Variants in P4HA1 observed in about 807,000 individuals in gnomAD.
P4HA1 encodes prolyl 4-hydroxylase subunit alpha 1, also known as prolyl 4-hydroxylase subunit alpha-1.
A neutral mutation model predicts 72.8 loss-of-function variants in P4HA1; 24 were observed. The ratio of observed to expected loss-of-function variants is 0.33; its 90% CI spans 0.24 to 0.46. The LOEUF is 0.46. Ranked by LOEUF, P4HA1 falls within the 20% of genes least tolerant of loss-of-function variation. The pLI is 1.00. For synonymous variants in P4HA1, 201 were observed against 218.8 expected, an observed-to-expected ratio of 0.92 and a Z score of 0.72; for missense variants, 446 against 640.6, an observed-to-expected ratio of 0.70 and a Z score of 3.28.
rs760496152 is a variant in P4HA1 at position 73,072,101 on chromosome 10, A to G, written c.253T>C (p.Phe85Leu). 6.2e-7 allele frequency: 1 copy of G among 1,613,176 alleles called. No homozygotes were observed. Among genetic ancestry groups the G allele is most frequent in the East Asian group, 2.2e-5 (1 of 44,844 alleles). Residue 85 changes from phenylalanine to leucine, a missense_variant, in exon 4 of 15, where the codon TTC becomes CTC. By Grantham distance (22) the Phe-to-Leu change is conservative (BLOSUM62 0). Coordinates refer to ENST00000394890, the MANE Select transcript of P4HA1 (RefSeq NM_001017962.3). ...GTATTCAGACGTTTCATTAATTTGA[A>G]TGCATTTACTGGATGCCCAACAAAT... ...EGFVGHPVNA[F>L]KLMKRLNTEW... is the part of the protein sequence containing the mutation.
At chr10:73,039,166 C>T (rs1218017066) in intron 9 of P4HA1, among the ~76,000 whole-genome samples, 3 of 152,066 alleles carry the variant, frequency 2.0e-5, no homozygotes, top group Non-Finnish European at 4.4e-5. Context: ...CACCTGTATT[C>T]CCAGCTACTC....
At chr10:73,030,232 G>A (rs1840403019) in intron 10 of P4HA1, 39 bp downstream of exon 10, 4 of 1,023,334 alleles carry the variant, frequency 3.9e-6, no homozygotes, top group Non-Finnish European at 5.8e-6. Flanking sequence ...AGCATCTCCT[G>A]AAGTGTAAAA....
chr10:73,050,165 C>CA (rs549704773), intron 7 of P4HA1, among the ~76,000 whole-genome samples: 2,290 of 82,956 alleles, frequency 0.028, 28 homozygotes, highest in East Asian at 0.077. Flanking sequence ...GTTTCTGTCT[C>CA]AAAAAAAAAA....
At chr10:73,040,006 C>T (rs759540671) in intron 9 of P4HA1, among the ~76,000 whole-genome samples, 1 of 151,826 alleles carries the variant, frequency 6.6e-6, no homozygotes, top group Non-Finnish European at 1.5e-5. Context: ...GGACTACAGA[C>T]GTGCACCATC....
rs898718624 is a variant in P4HA1, at chr10:73,019,641, A to T, written c.1249-2742T>A. Among the ~76,000 whole-genome samples the T allele has an allele frequency of 5.5e-5, 8 of 144,176 alleles. No individual in the cohort carries two copies. The East Asian group carries it at 1.8e-3, about 32-fold the overall frequency. 94.6% of individuals were successfully genotyped at this position (144,176 alleles called of 152,430 possible). A position where few individuals can be genotyped will look rare whatever the true frequency, so the allele number is the denominator to read the frequency against. On this transcript the variant is annotated intron_variant, in intron 10 of 14. Coordinates refer to ENST00000394890, the MANE Select transcript of P4HA1 (RefSeq NM_001017962.3). ...TGAATGCAGGAGGCTGAGGCAGGAG[A>T]ATCGCTTGAACCTGGGAGGCGGAGG...
Position 73,073,713 on chromosome 10 carries a change from A to C in P4HA1, c.173+18T>G. 9.0e-7 allele frequency: 1 copy of C among 1,110,104 alleles called. No individual in the cohort carries two copies. The highest frequency in any genetic ancestry group is 1.4e-6 in the Non-Finnish European group (1 of 720,476). The allele number at this position is 1,110,104 out of a possible 1,614,324, so 68.8% of individuals were successfully genotyped here. ...TCCAGGTTGAGTCAGAGTCATAATA[A>C]GCAAACATTTTGCTTACTTTTTTAT... On this transcript the variant is annotated intron_variant, in intron 3 of 14. Coordinates refer to ENST00000394890, the MANE Select transcript of P4HA1 (RefSeq NM_001017962.3).
At chr10:73,040,146 A>C (rs1453929611) in intron 9 of P4HA1, among the ~76,000 whole-genome samples, 1 of 152,076 alleles carries the variant, frequency 6.6e-6, no homozygotes, top group Non-Finnish European at 1.5e-5. Flanking sequence ...CTGATATTAC[A>C]GGCATGAGCC....
chr10:73,092,350 T>TC (rs1344836006), intron 1 of P4HA1, among the ~76,000 whole-genome samples: 1 of 144,482 alleles, frequency 6.9e-6, no homozygotes, highest in Non-Finnish European at 1.5e-5. Flanking sequence ...TCTTTTCTTT[T>TC]TTTTTTTTTT....
At chr10:73,087,482 T>C (rs1841946918) in intron 1 of P4HA1, among the ~76,000 whole-genome samples, 1 of 151,976 alleles carries the variant, frequency 6.6e-6, no homozygotes, top group Admixed American at 6.6e-5. Flanking sequence ...GCCGGGCTAG[T>C]CTTGAACTCC....
At chr10:73,064,099 C>T (rs1449967003) in intron 5 of P4HA1, among the ~76,000 whole-genome samples, 1 of 152,018 alleles carries the variant, frequency 6.6e-6, no homozygotes, top group Non-Finnish European at 1.5e-5. Context: ...ATGAACATAC[C>T]AAATTGAATA....
chr10:73,091,691 G>A (rs1411176346), intron 1 of P4HA1, among the ~76,000 whole-genome samples: 1 of 151,992 alleles, frequency 6.6e-6, no homozygotes, highest in South Asian at 2.1e-4. Context: ...TTCATTCTTG[G>A]GTTTTACTGA....
At chr10:73,082,611 T>C (rs950653438) in intron 1 of P4HA1, 2 of 152,216 alleles carry the variant, frequency 1.3e-5, no homozygotes, top group African/African-American at 4.8e-5. Context: ...TGCTTGATAT[T>C]CTAAACTAAA....
chr10:73,059,972 C>G (rs944553093), intron 5 of P4HA1, among the ~76,000 whole-genome samples: 2 of 151,418 alleles, frequency 1.3e-5, no homozygotes, highest in Admixed American at 6.6e-5. Context: ...AACAATGAAT[C>G]AAAAGAAAAA....
chr10:73,041,546 C>CG (rs1230471255), intron 9 of P4HA1, among the ~76,000 whole-genome samples: 1 of 148,138 alleles, frequency 6.8e-6, no homozygotes, highest in Non-Finnish European at 1.5e-5. Context: ...CCATCCCCCC[C>CG]CCAAAAAAAA....
At chr10:73,085,739 G>A (rs571372789) in intron 1 of P4HA1, among the ~76,000 whole-genome samples, 1 of 152,062 alleles carries the variant, frequency 6.6e-6, no homozygotes, top group Non-Finnish European at 1.5e-5. Context: ...AAAGAGGCAA[G>A]TACATGAAAA....
chr10:73,013,042 C>T (rs566437941), intron 12 of P4HA1, among the ~76,000 whole-genome samples: 13 of 152,204 alleles, frequency 8.5e-5, no homozygotes, highest in African/African-American at 2.4e-4. Context: ...GTGATCTGCC[C>T]GCCTCGGCCT....
rs997056983 is a variant in P4HA1, at chr10:73,038,703, T to C, written c.1148+6278A>G. 1.6e-4 allele frequency among the ~76,000 whole-genome samples: 16 copies of C among 102,944 alleles called. 2 individuals are homozygous for C. The South Asian group carries it at 5.8e-3, about 37-fold the overall frequency. 67.5% of individuals were successfully genotyped at this position (102,944 alleles called of 152,430 possible). On this transcript the variant is annotated intron_variant, in intron 9 of 14. Coordinates refer to ENST00000394890, the MANE Select transcript of P4HA1 (RefSeq NM_001017962.3). Reference sequence around the variant, plus strand: ...GTGCAGTGGCGGGATCTCGGCTCACTGCAAGCTCCGCCTCCCGGGTTCACG... The same window carrying C: ...GTGCAGTGGCGGGATCTCGGCTCACCGCAAGCTCCGCCTCCCGGGTTCACG...
At position 73,074,785 on chromosome 10, in the gene P4HA1, AAAC is replaced by A. The variant is rs760600550; in HGVS notation, c.76+20_76+22del. ...AATTAAAAAATGCAAAACCAACAAA[AAAC>A]AACAAGTAGTAAGACTTACCAATTG... On this transcript the variant is annotated intron_variant, in intron 2 of 14. Coordinates refer to ENST00000394890, the MANE Select transcript of P4HA1 (RefSeq NM_001017962.3). 39 of 1,327,904 alleles carry A rather than the reference AAAC, an allele frequency of 2.9e-5. No individual in the cohort carries two copies. The highest frequency in any genetic ancestry group is 3.8e-4 in the Middle Eastern group (2 of 5,332). The allele number at this position is 1,327,904 out of a possible 1,614,324, so 82.3% of individuals were successfully genotyped here.
intron 7 of P4HA1, among the ~76,000 whole-genome samples, chr10:73,050,241 AT>A (rs1840986953): frequency 6.6e-6 from 1 of 151,808 alleles, no homozygotes; most frequent in Non-Finnish European, 1.5e-5. Context: ...CTTTAAACTT[AT>A]TTGATCCTTC....
Sources: gnomAD v4.1 joint callset for allele counts (sites outside exome capture counted in the v4.1 genomes callset) on GRCh38, gnomAD v4.1.1 for gene constraint, MANE v1.5 for transcripts, NCBI Gene and HGNC (gene_info 2026-07-23, HGNC 2026-07-21) for gene names.